SDK1: variants seen among roughly 807,000 people sequenced by gnomAD.
The protein encoded by SDK1 is sidekick cell adhesion molecule 1.
In SDK1, 157 loss-of-function variants were observed where a neutral mutation model predicts 245.5. That is an observed-to-expected ratio of 0.64 (90% CI 0.56 to 0.73). SDK1 has a LOEUF of 0.73. Among genes scored for constraint, SDK1 ranks in the 30% least tolerant of loss-of-function variants. SDK1 has a pLI of 0.00. For missense variants in SDK1, 3,583 were observed against 3,002.3 expected (o/e 1.19, Z -4.52); for synonymous variants, 1,647 against 1,278.5 (o/e 1.29, Z -6.15).
intron 4 of SDK1, among the ~76,000 whole-genome samples, chr7:3,648,569 A>G (rs1782918717): frequency 6.6e-6 from 1 of 152,248 alleles, no homozygotes. Context: ...TTGAACATCC[A>G]TTAACTTATT....
intron 4 of SDK1, among the ~76,000 whole-genome samples, chr7:3,679,589 A>C (rs1402750161): frequency 6.6e-6 from 1 of 152,142 alleles, no homozygotes; most frequent in East Asian, 1.9e-4. Context: ...AAAATGGGCA[A>C]AGGAGATTAA....
intron 4 of SDK1, among the ~76,000 whole-genome samples, chr7:3,672,690 A>G (rs1162015194): frequency 9.5e-5 from 13 of 137,282 alleles, no homozygotes; most frequent in Non-Finnish European, 1.6e-4. Flanking sequence ...ATTAAATAAA[A>G]TTTATATTAA....
At chr7:3,957,557 C>G (rs1164791975) in intron 7 of SDK1, among the ~76,000 whole-genome samples, 1 of 151,948 alleles carries the variant, frequency 6.6e-6, no homozygotes, top group Non-Finnish European at 1.5e-5. Context: ...TGTTTTTTTC[C>G]TTTTTCCTTC....
chr7:4,247,293 C>T (rs1267767249), intron 44 of SDK1, among the ~76,000 whole-genome samples: 2 of 152,136 alleles, frequency 1.3e-5, no homozygotes, highest in African/African-American at 4.8e-5. Context: ...GTGGTGAGGC[C>T]GATTCTGCTT....
chr7:3,861,462 T>C (rs1435489121), intron 5 of SDK1, among the ~76,000 whole-genome samples: 1 of 152,184 alleles, frequency 6.6e-6, no homozygotes, highest in East Asian at 1.9e-4. Flanking sequence ...GGAGTGCTTG[T>C]GTGCTTCAAA....
intron 1 of SDK1, among the ~76,000 whole-genome samples, chr7:3,593,435 A>G (rs190372154): frequency 6.6e-6 from 1 of 152,066 alleles, no homozygotes; most frequent in Admixed American, 6.5e-5. Context: ...TTACTCAAAG[A>G]CCTTGGTGGT....
At chr7:3,531,759 G>T (rs965497410) in intron 1 of SDK1, among the ~76,000 whole-genome samples, 4 of 152,088 alleles carry the variant, frequency 2.6e-5, no homozygotes, top group African/African-American at 9.7e-5. Flanking sequence ...AATGATTTTG[G>T]GTTACTATTT....
At chr7:3,600,844 G>A (rs1168727248) in intron 1 of SDK1, among the ~76,000 whole-genome samples, 1 of 152,068 alleles carries the variant, frequency 6.6e-6, no homozygotes, top group Non-Finnish European at 1.5e-5. Context: ...CACCGTGCCT[G>A]GCCAATGTAG....
chr7:3,752,693 C>A (rs1779808437), intron 4 of SDK1, among the ~76,000 whole-genome samples: 1 of 152,106 alleles, frequency 6.6e-6, no homozygotes, highest in African/African-American at 2.4e-5. Flanking sequence ...ATTCTTAAAA[C>A]TCCGTGAATC....
intron 40 of SDK1, among the ~76,000 whole-genome samples, chr7:4,228,056 G>A (rs1331845025): frequency 1.3e-5 from 2 of 152,224 alleles, no homozygotes; most frequent in Non-Finnish European, 2.9e-5. Flanking sequence ...CGTAAAAAAT[G>A]AAGATGCATA....
intron 19 of SDK1, among the ~76,000 whole-genome samples, chr7:4,058,908 G>A (rs929674180): frequency 2.0e-5 from 3 of 152,078 alleles, no homozygotes; most frequent in African/African-American, 7.2e-5. Context: ...ATGTACAAAC[G>A]TATAAAACCC....
chr7:4,201,352 A>T (rs1258320266), intron 35 of SDK1, among the ~76,000 whole-genome samples: 1 of 152,206 alleles, frequency 6.6e-6, no homozygotes, highest in African/African-American at 2.4e-5. Context: ...CAAGAAGGTA[A>T]ATGAGATCAG....
chr7:3,612,781 A>G (rs1476433152), intron 1 of SDK1, among the ~76,000 whole-genome samples: 1 of 152,124 alleles, frequency 6.6e-6, no homozygotes, highest in Non-Finnish European at 1.5e-5. Flanking sequence ...TGATTACTCC[A>G]TTCACACTGG....
Position 3,534,605 on chromosome 7 carries a change from G to A in SDK1, c.299-84475G>A, listed in dbSNP as rs141606795. On this transcript the variant is annotated intron_variant, in intron 1 of 44. Transcript: ENST00000404826. ...TGAGGTGGTGTTGCACTGTGGCTTA[G>A]CTTTGCATGTTACTGCTTCCTTTTT... Among the ~76,000 whole-genome samples the A allele has an allele frequency of 1.2e-4, 18 of 152,078 alleles. No homozygotes were observed. The East Asian group carries it at 1.5e-3, about 13-fold the overall frequency.
chr7:4,241,238 T>C (rs980232347), intron 42 of SDK1, among the ~76,000 whole-genome samples: 1 of 152,214 alleles, frequency 6.6e-6, no homozygotes, highest in South Asian at 2.1e-4. Flanking sequence ...TCTTTAGCCG[T>C]CACACTCCCA....
intron 1 of SDK1, among the ~76,000 whole-genome samples, chr7:3,480,614 T>C (rs1781490187): frequency 6.6e-6 from 1 of 152,274 alleles, no homozygotes; most frequent in Non-Finnish European, 1.5e-5. Flanking sequence ...CTTCTCATTT[T>C]TTCCTTTTAA....
intron 4 of SDK1, among the ~76,000 whole-genome samples, chr7:3,695,077 T>A (rs910295165): frequency 4.6e-5 from 7 of 152,258 alleles, no homozygotes; most frequent in Non-Finnish European, 7.4e-5. Context: ...GACTAACAGT[T>A]GTTATGATGT....
At chr7:4,255,344 C>T (rs563888988) in intron 44 of SDK1, among the ~76,000 whole-genome samples, 2 of 152,346 alleles carry the variant, frequency 1.3e-5, no homozygotes, top group East Asian at 1.9e-4. Flanking sequence ...CTCCACTCTG[C>T]GCAGGACCTC....
intron 35 of SDK1, among the ~76,000 whole-genome samples, chr7:4,179,735 T>TC (rs1450596057): frequency 6.6e-6 from 1 of 151,604 alleles, no homozygotes; most frequent in Non-Finnish European, 1.5e-5. Flanking sequence ...AAGGGTGCTG[T>TC]CAGAGAGGGG....
Sources: allele counts gnomAD v4.1 joint callset (sites outside exome capture counted in the v4.1 genomes callset), GRCh38; gene constraint gnomAD v4.1.1; transcripts MANE v1.5; gene names NCBI Gene and HGNC (gene_info 2026-07-23, HGNC 2026-07-21).